Variants in CELF1 observed in about 807,000 individuals in gnomAD.
CELF1 encodes the protein 50 kDa nuclear polyadenylated RNA-binding protein.
Under a neutral mutation model 61.8 loss-of-function variants are expected in CELF1, and 10 were observed. The observed-to-expected ratio is 0.16, with a 90% CI of 0.10 to 0.27. The LOEUF is 0.27. CELF1 is among the 10% of genes least tolerant of loss of function. The probability of loss-of-function intolerance (pLI) is 1.00; values close to 1 mark genes in which losing one functional copy is unlikely to be tolerated. For synonymous variants in CELF1, 236 were observed against 225.1 expected, an observed-to-expected ratio of 1.05 and a Z score of -0.43; for missense variants, 380 against 639.1, an observed-to-expected ratio of 0.59 and a Z score of 4.37.
intron 1 of CELF1, among the ~76,000 whole-genome samples, chr11:47,515,930 T>C (rs962579986): frequency 6.0e-5 from 9 of 150,974 alleles, no homozygotes; most frequent in Admixed American, 5.3e-4. Flanking sequence ...TTATTTATTT[T>C]TTTTTAGATA....
At chr11:47,563,468 C>T (rs2097233086) in intron 2 of CELF1, among the ~76,000 whole-genome samples, 1 of 152,110 alleles carries the variant, frequency 6.6e-6, no homozygotes, top group South Asian at 2.1e-4. Flanking sequence ...GGTGGAACAC[C>T]TGAGGTCAGG....
chr11:47,539,120 C>A (rs2153715355), intron 1 of CELF1, among the ~76,000 whole-genome samples: 1 of 152,298 alleles, frequency 6.6e-6, no homozygotes, highest in South Asian at 2.1e-4. Context: ...AACAAAAATT[C>A]TCTAAAACTG....
At chr11:47,518,213 A>C (rs2095662110) in intron 1 of CELF1, among the ~76,000 whole-genome samples, 1 of 152,222 alleles carries the variant, frequency 6.6e-6, no homozygotes, top group Non-Finnish European at 1.5e-5. Context: ...CCAGCAGTAT[A>C]TCATAATTAC....
intron 1 of CELF1, among the ~76,000 whole-genome samples, chr11:47,521,031 C>T (rs2095859066): frequency 6.6e-6 from 1 of 152,174 alleles, no homozygotes; most frequent in African/African-American, 2.4e-5. Flanking sequence ...ATGGGCGGAT[C>T]ACGAAGTTAG....
At chr11:47,502,966 C>T (rs1248038281) in intron 1 of CELF1, among the ~76,000 whole-genome samples, 1 of 152,222 alleles carries the variant, frequency 6.6e-6, no homozygotes, top group Admixed American at 6.5e-5. Context: ...CTTTTCATCA[C>T]CTGTTCCTTT....
chr11:47,526,716 T>C (rs187469880), intron 1 of CELF1, among the ~76,000 whole-genome samples: 1 of 152,296 alleles, frequency 6.6e-6, no homozygotes, highest in African/African-American at 2.4e-5. Flanking sequence ...TAGAAATGTT[T>C]ATGCTGATAT....
At chr11:47,487,033 T>G in intron 5 of CELF1, 126 bp downstream of exon 5, 1 of 804,932 alleles carries the variant, frequency 1.2e-6, no homozygotes, top group Non-Finnish European at 2.1e-6. Flanking sequence ...TATGTCTTCC[T>G]TTACATCAAT....
At chr11:47,559,542 G>T (rs1336263272) in intron 2 of CELF1, among the ~76,000 whole-genome samples, 1 of 152,090 alleles carries the variant, frequency 6.6e-6, no homozygotes, top group East Asian at 1.9e-4. Context: ...TAGAGCTGGG[G>T]TCTCACTCTG....
At chr11:47,481,047 A>C (rs1313837656) in intron 9 of CELF1, among the ~76,000 whole-genome samples, 4 of 151,476 alleles carry the variant, frequency 2.6e-5, no homozygotes, top group Non-Finnish European at 4.4e-5. Context: ...TTTTTAAAAA[A>C]ACTTCAGAGA....
At position 47,553,044 on chromosome 11, in the gene CELF1, A is replaced by AGCCGCC. The variant is rs897963358; in HGVS notation, c.-212_-207dup. 10 of 399,272 alleles carry AGCCGCC rather than the reference A, an allele frequency of 2.5e-5. No individual in the cohort carries two copies. The highest frequency in any genetic ancestry group is 7.1e-5 in the East Asian group (2 of 28,144). The allele number at this position is 399,272 out of a possible 1,614,324, so 24.7% of individuals were successfully genotyped here. A position where few individuals can be genotyped will look rare whatever the true frequency, so the allele number is the denominator to read the frequency against. ...CCTCAGTTGCTGCCTGCGCCTCCGC[A>AGCCGCC]GCCGCCGCCGCCGCCTCGCTGCTGA... On this transcript the variant is annotated 5_prime_UTR_variant, in exon 1 of 15. Transcript: ENST00000687097.
Position 47,470,101 on chromosome 11 carries a change from A to G in CELF1, c.*2129T>C, listed in dbSNP as rs1464150485. The stretch of plus-strand genomic sequence containing the variant: ...GTCAGTAGTTTCAATCATACACAGC[A>G]CCCTGTGTGTATAACAATCACATTC... On this transcript the variant is annotated 3_prime_UTR_variant, in exon 15 of 15. Coordinates refer to ENST00000687097, the MANE Select transcript of CELF1 (RefSeq NM_001376376.1). The G allele has an allele frequency of 1.3e-5, 2 of 152,078 alleles. No individual in the cohort carries two copies. The highest frequency in any genetic ancestry group is 2.9e-5 in the Non-Finnish European group (2 of 68,002). 9.4% of individuals were successfully genotyped at this position (152,078 alleles called of 1,614,324 possible). A position where few individuals can be genotyped will look rare whatever the true frequency, so the allele number is the denominator to read the frequency against.
At chr11:47,498,410 CAGAG>C (rs938330197) in intron 3 of CELF1, among the ~76,000 whole-genome samples, 1 of 152,146 alleles carries the variant, frequency 6.6e-6, no homozygotes, top group Non-Finnish European at 1.5e-5. Context: ...GTTTCAAAAA[CAGAG>C]AGAGAAAGAG....
At chr11:47,541,528 T>C (rs557517623) in intron 1 of CELF1, among the ~76,000 whole-genome samples, 3 of 151,316 alleles carry the variant, frequency 2.0e-5, no homozygotes, top group Admixed American at 6.6e-5. Context: ...CCGTCTCTAC[T>C]TAAAACACAA....
chr11:47,491,255 CA>C (rs11332611), intron 3 of CELF1, among the ~76,000 whole-genome samples: 81,516 of 144,930 alleles, frequency 0.56, 22,479 homozygotes, highest in South Asian at 0.67. Context: ...CTCCACCTCC[CA>C]GGTTCAAGTG....
intron 1 of CELF1, 43 bp downstream of exon 1, chr11:47,552,949 C>T (rs910081014): frequency 2.7e-4 from 106 of 397,454 alleles, no homozygotes; most frequent in Non-Finnish European, 4.4e-4. Flanking sequence ...TTTTTCCCCT[C>T]CCTCCCTCCC....
intron 2 of CELF1, among the ~76,000 whole-genome samples, chr11:47,562,638 G>C (rs2097230006): frequency 6.6e-6 from 1 of 151,180 alleles, no homozygotes; most frequent in South Asian, 2.1e-4. Flanking sequence ...TGTAATCCCA[G>C]TACTTTGGGA....
Position 47,472,292 on chromosome 11 carries a change from T to C in CELF1, c.1483A>G (p.Ile495Val). 1 of 1,614,148 alleles carries C rather than the reference T, an allele frequency of 6.2e-7. No individual in the cohort carries two copies. Among genetic ancestry groups the C allele is most frequent in the Non-Finnish European group, 8.5e-7 (1 of 1,180,012 alleles). Residue 495 changes from isoleucine to valine, a missense_variant, in exon 15 of 15, where the codon ATT becomes GTT. Transcript: ENST00000687097. ...TGCACTTTAAGCCGCTTCATGCCAA[T>C]CTGAAAGCCGTTCATGGACTGGATG... The part of the protein sequence containing the change: ...AAIQSMNGFQ[I>V]GMKRLKVQLK...
rs1408879037 is a variant in CELF1, at chr11:47,466,925, A to C, written c.*5305T>G. 1 of 152,188 alleles carries C rather than the reference A, an allele frequency of 6.6e-6. No homozygotes were observed. The highest frequency in any genetic ancestry group is 1.5e-5 in the Non-Finnish European group (1 of 68,102). 9.4% of individuals were successfully genotyped at this position (152,188 alleles called of 1,614,324 possible). Reference sequence around the variant, plus strand: ...TCCATCCAATCACCCCTTCCAGGAAATTCAGCAGCCTACCAGACACTGGGC... The same window carrying C: ...TCCATCCAATCACCCCTTCCAGGAACTTCAGCAGCCTACCAGACACTGGGC... On this transcript the variant is annotated 3_prime_UTR_variant, in exon 15 of 15. Transcript: ENST00000687097.
At chr11:47,537,284 G>A (rs1361309440) in intron 1 of CELF1, among the ~76,000 whole-genome samples, 1 of 136,408 alleles carries the variant, frequency 7.3e-6, no homozygotes, top group African/African-American at 2.8e-5. Flanking sequence ...GTCTCACTCT[G>A]TCGCCCAGGC....
Sources: gnomAD v4.1 joint callset for allele counts (sites outside exome capture counted in the v4.1 genomes callset) on GRCh38, gnomAD v4.1.1 for gene constraint, MANE v1.5 for transcripts, NCBI Gene and HGNC (gene_info 2026-07-23, HGNC 2026-07-21) for gene names.